Variants in TCTN2 observed in about 807,000 individuals in gnomAD.
TCTN2 encodes the protein tectonic family member 2.
A neutral mutation model predicts 83.4 loss-of-function variants in TCTN2; 66 were observed. The ratio of observed to expected loss-of-function variants is 0.79; its 90% CI spans 0.65 to 0.97. TCTN2 has a LOEUF of 0.97. Among genes scored for constraint, TCTN2 ranks in the 50% least tolerant of loss-of-function variants. The pLI, the probability that TCTN2 is intolerant of heterozygous loss-of-function variation, is 0.00. For missense variants in TCTN2, 794 were observed against 858.1 expected (o/e 0.93, Z 0.93); for synonymous variants, 301 against 326.7 (o/e 0.92, Z 0.85).
At position 123,707,780 on chromosome 12, in the gene TCTN2, C is replaced by G. The variant is rs112214860; in HGVS notation, c.*67C>G. The G allele has an allele frequency of 2.5e-6, 3 of 1,219,904 alleles. No homozygotes were observed. Among genetic ancestry groups the G allele is most frequent in the Non-Finnish European group, 3.6e-6 (3 of 825,940 alleles). The allele number at this position is 1,219,904 out of a possible 1,614,324, so 75.6% of individuals were successfully genotyped here. On this transcript the variant is annotated 3_prime_UTR_variant, in exon 18 of 18. Coordinates refer to ENST00000303372, the MANE Select transcript of TCTN2 (RefSeq NM_024809.5). ...CTTGTTGCCCAGGCTGAAGTGATCT[C>G]GGCTCACCACAACCTCCTCCTCTTG...
At chr12:123,680,134 C>T (rs1955879018) in intron 5 of TCTN2, among the ~76,000 whole-genome samples, 1 of 151,964 alleles carries the variant, frequency 6.6e-6, no homozygotes, top group East Asian at 2.0e-4. Flanking sequence ...GGGCGGATCA[C>T]CTGAGGTCCG....
rs1394830764 is a variant in TCTN2 at position 123,687,026 on chromosome 12, A to G, written c.755A>G (p.His252Arg). The change falls in exon 6 of 18, where the codon CAT (histidine) becomes CGT (arginine). Residue 252 changes from histidine to arginine, a missense_variant. Physicochemically the swap from His to Arg is conservative, Grantham distance 29 (BLOSUM62 0). Transcript: ENST00000303372. ...ANTPFLGYFYHGAVSPKQDSS... is the reference protein window; with the variant it reads ...ANTPFLGYFYRGAVSPKQDSS... Reference sequence around the variant, plus strand: ...ACACCCTTCCTTGGTTACTTCTATCATGGTGCTGTGTAAGTGTCTGAGCAG... The same window carrying G: ...ACACCCTTCCTTGGTTACTTCTATCGTGGTGCTGTGTAAGTGTCTGAGCAG... The G allele has an allele frequency of 1.9e-6, 3 of 1,614,054 alleles. No homozygotes were observed. The highest frequency in any genetic ancestry group is 2.2e-5 in the East Asian group (1 of 44,874).
At chr12:123,696,867 G>A (rs1465482703) in intron 12 of TCTN2, 4 of 563,996 alleles carry the variant, frequency 7.1e-6, no homozygotes, top group Non-Finnish European at 9.5e-6. Context: ...ACCTGCCAGA[G>A]GCAGTGTCAC....
chr12:123,683,933 C>G (rs1041719670), intron 5 of TCTN2, among the ~76,000 whole-genome samples: 2 of 152,210 alleles, frequency 1.3e-5, no homozygotes, highest in Non-Finnish European at 2.9e-5. Flanking sequence ...GCCACTGCAC[C>G]TGGCCACAAT....
At chr12:123,681,568 C>T (rs937730088) in intron 5 of TCTN2, among the ~76,000 whole-genome samples, 1 of 152,216 alleles carries the variant, frequency 6.6e-6, no homozygotes, top group Non-Finnish European at 1.5e-5. Flanking sequence ...GCAGCTGTTA[C>T]CACTTCATTC....
chr12:123,673,953 G>T, intron 4 of TCTN2, 143 bp downstream of exon 4: 1 of 791,730 alleles, frequency 1.3e-6, no homozygotes, highest in South Asian at 1.6e-5. Context: ...AGCTGTGATC[G>T]CGCCACTGCG....
intron 17 of TCTN2, 111 bp from the exon 18 acceptor site, chr12:123,707,493 C>A: frequency 1.9e-6 from 2 of 1,052,172 alleles, no homozygotes; most frequent in Non-Finnish European, 2.9e-6. Flanking sequence ...CCTCCTTGGC[C>A]TCCCAAAGTG....
Position 123,707,019 on chromosome 12 carries a change from A to G in TCTN2, c.1930A>G (p.Arg644Gly). The G allele has an allele frequency of 1.2e-6, 2 of 1,614,112 alleles. No individual in the cohort carries two copies. Among genetic ancestry groups the G allele is most frequent in the Non-Finnish European group, 1.7e-6 (2 of 1,180,026 alleles). The change falls in exon 17 of 18, where the codon AGA (arginine) becomes GGA (glycine). Residue 644 changes from arginine (R) to glycine (G), a missense_variant. Arg to Gly is a moderately radical substitution (Grantham distance 125). Transcript: ENST00000303372. ...CAATTATACAGAGTATGACTGCAAC[A>G]GAAATGAGGTGTGTTGGCCGCAGCT... ...QINYTEYDCNRNEVCWPQLLY... is the reference protein window; with the variant it reads ...QINYTEYDCNGNEVCWPQLLY...
At chr12:123,707,200 GC>G in intron 17 of TCTN2, 127 bp downstream of exon 17, 3 of 825,888 alleles carry the variant, frequency 3.6e-6, no homozygotes, top group Non-Finnish European at 5.9e-6. Context: ...GGATAATATT[GC>G]CACTTGGAAG....
chr12:123,692,180 G>A (rs1243159245), intron 8 of TCTN2, among the ~76,000 whole-genome samples: 1 of 152,014 alleles, frequency 6.6e-6, no homozygotes, highest in Non-Finnish European at 1.5e-5. Flanking sequence ...CAGAGTGCTG[G>A]GATTACGGGC....
intron 11 of TCTN2, chr12:123,695,542 C>T (rs1049105439): frequency 1.3e-5 from 5 of 393,754 alleles, no homozygotes; most frequent in African/African-American, 4.1e-5. Context: ...TTGCCTCAGC[C>T]TCCTGAGTAG....
chr12:123,684,670 G>A (rs928317310), intron 5 of TCTN2, among the ~76,000 whole-genome samples: 1 of 152,024 alleles, frequency 6.6e-6, no homozygotes, highest in African/African-American at 2.4e-5. Context: ...AAAGTGCTGG[G>A]ATTATAGGCG....
At chr12:123,693,928 A>C in intron 9 of TCTN2, among the ~76,000 whole-genome samples, 1 of 149,120 alleles carries the variant, frequency 6.7e-6, no homozygotes. Flanking sequence ...AGCAATTCTC[A>C]TGCCTTAGCC....
intron 4 of TCTN2, among the ~76,000 whole-genome samples, chr12:123,677,496 G>A (rs368739399): frequency 8.5e-5 from 13 of 152,198 alleles, no homozygotes; most frequent in African/African-American, 3.1e-4. Context: ...TAAATGATTG[G>A]AGAGAAATCC....
intron 3 of TCTN2, among the ~76,000 whole-genome samples, chr12:123,672,766 G>C (rs544867810): frequency 8.6e-5 from 13 of 151,414 alleles, no homozygotes; most frequent in African/African-American, 2.7e-4. Context: ...AAAAGAAAAA[G>C]CTGGTCAGGC....
chr12:123,687,968 A>G, intron 6 of TCTN2, 83 bp from the exon 7 acceptor site: 1 of 1,575,600 alleles, frequency 6.3e-7, no homozygotes, highest in Non-Finnish European at 8.7e-7. Flanking sequence ...CATCTCAGAA[A>G]ACAAGAGTAA....
At chr12:123,684,551 C>T (rs1003168709) in intron 5 of TCTN2, among the ~76,000 whole-genome samples, 5 of 151,830 alleles carry the variant, frequency 3.3e-5, no homozygotes, top group Admixed American at 2.6e-4. Context: ...CAGGCATGCA[C>T]AACCACACCT....
At chr12:123,682,673 G>A (rs951561195) in intron 5 of TCTN2, among the ~76,000 whole-genome samples, 6 of 151,534 alleles carry the variant, frequency 4.0e-5, no homozygotes, top group Admixed American at 2.6e-4. Context: ...GCGCAGATGG[G>A]GTTTCACCAT....
intron 7 of TCTN2, 81 bp downstream of exon 7, chr12:123,688,258 C>G (rs1164362792): frequency 6.5e-7 from 1 of 1,534,478 alleles, no homozygotes; most frequent in African/African-American, 1.4e-5. Flanking sequence ...CTCTTACCTC[C>G]TAGGCTCAAG....
Sources: allele counts gnomAD v4.1 joint callset (sites outside exome capture counted in the v4.1 genomes callset), GRCh38; gene constraint gnomAD v4.1.1; transcripts MANE v1.5; gene names NCBI Gene and HGNC (gene_info 2026-07-23, HGNC 2026-07-21).